The following GLT8D2 variants were observed in gnomAD, a reference collection of about 807,000 sequenced individuals.
GLT8D2 encodes glycosyltransferase 8 domain containing 2, also known as glycosyltransferase 8 domain-containing protein 2.
In GLT8D2, 45 loss-of-function variants were observed where a neutral mutation model predicts 44.5. The observed-to-expected ratio is 1.01, with a 90% CI of 0.80 to 1.30. The LOEUF is 1.30. Among genes scored for constraint, GLT8D2 ranks in the 50% most tolerant of loss-of-function variants. The pLI is 0.00. For missense variants in GLT8D2, 400 were observed against 430.4 expected, an observed-to-expected ratio of 0.93 and a Z score of 0.62; for synonymous variants, 156 against 157.2, an observed-to-expected ratio of 0.99 and a Z score of 0.06.
chr12:104,045,892 T>A (rs753640690), intron 1 of GLT8D2, among the ~76,000 whole-genome samples: 125 of 112,058 alleles, frequency 1.1e-3, no homozygotes, highest in South Asian at 2.4e-3. Context: ...AAAAGAAAGA[T>A]AAGAAAGAAA....
chr12:104,039,634 A>G (rs996183438), intron 1 of GLT8D2, among the ~76,000 whole-genome samples: 1 of 152,256 alleles, frequency 6.6e-6, no homozygotes, highest in African/African-American at 2.4e-5. Flanking sequence ...ATCATTAAAA[A>G]GTCAGGAAAC....
rs552065953 is a variant in GLT8D2, at chr12:103,996,659, T to G, written c.600+76A>C. ...GTTTTTGAGGTGGAGGTTACACTCA[T>G]TTTGACTTGCAGAGGGGGGAGAAGG... On this transcript the variant is annotated intron_variant, in intron 8 of 10. Coordinates refer to ENST00000360814, the MANE Select transcript of GLT8D2 (RefSeq NM_001384711.1). The G allele has an allele frequency of 1.0e-3, 1,060 of 1,042,164 alleles. 5 individuals are homozygous for G. Among genetic ancestry groups the G allele is most frequent in the Non-Finnish European group, 1.4e-3 (941 of 683,796 alleles). 64.6% of individuals were successfully genotyped at this position (1,042,164 alleles called of 1,614,324 possible).
rs200518430 is a variant in GLT8D2 at position 103,994,470 on chromosome 12, T to A, written c.632A>T (p.Lys211Met). The change falls in exon 9 of 11, where the codon AAG (lysine) becomes ATG (methionine). Residue 211 changes from lysine to methionine, a missense_variant. By Grantham distance (95) the Lys-to-Met change is moderately conservative. Coordinates refer to ENST00000360814, the MANE Select transcript of GLT8D2 (RefSeq NM_001384711.1). ...GATGCCAAGGTCCTTGATGGCCTTC[T>A]TCCGGTAGTCCAGATAGCCCATATA... ...NTYMGYLDYR[K>M]KAIKDLGISP... 2.5e-6 allele frequency: 4 copies of A among 1,614,076 alleles called. No individual in the cohort carries two copies. The highest frequency in any genetic ancestry group is 3.4e-6 in the Non-Finnish European group (4 of 1,179,964).
In GLT8D2 at chr12:104,045,382, G is replaced by A. The variant is rs546074639; in HGVS notation, c.-164+4513C>T. On this transcript the variant is annotated intron_variant, in intron 1 of 10. Coordinates refer to ENST00000360814, the MANE Select transcript of GLT8D2 (RefSeq NM_001384711.1). The stretch of plus-strand genomic sequence containing the variant: ...TTTCTCTGTGGTAATAAATAGCCAA[G>A]CCTTTAACAAGAAATTGCCTGCAGG... Among the ~76,000 whole-genome samples the A allele has an allele frequency of 1.2e-4, 19 of 152,282 alleles. No homozygotes were observed. The South Asian group carries it at 3.9e-3, about 32-fold the overall frequency.
intron 4 of GLT8D2, among the ~76,000 whole-genome samples, chr12:104,011,333 T>C (rs996498568): frequency 6.6e-6 from 1 of 152,206 alleles, no homozygotes; most frequent in Non-Finnish European, 1.5e-5. Context: ...ATAGTAAACA[T>C]CACAATGCTG....
At chr12:104,006,209 A>T (rs1874988129) in intron 4 of GLT8D2, among the ~76,000 whole-genome samples, 1 of 137,800 alleles carries the variant, frequency 7.3e-6, no homozygotes, top group Admixed American at 7.4e-5. Context: ...CAGGAAGGGG[A>T]ACATCACATA....
chr12:104,037,576 C>A (rs750142918), intron 1 of GLT8D2, among the ~76,000 whole-genome samples: 10 of 151,948 alleles, frequency 6.6e-5, no homozygotes, highest in Admixed American at 1.3e-4. Context: ...ATGCATACAC[C>A]CTCCCAAGAC....
At chr12:103,990,721 AGTT>A (rs1872650255) in intron 10 of GLT8D2, among the ~76,000 whole-genome samples, 1 of 152,202 alleles carries the variant, frequency 6.6e-6, no homozygotes, top group South Asian at 2.1e-4. Context: ...AAGAGAAACT[AGTT>A]GTTTGAAACT....
At chr12:104,060,013 C>T (rs935754782) in intron 1 of GLT8D2, among the ~76,000 whole-genome samples, 1 of 152,206 alleles carries the variant, frequency 6.6e-6, no homozygotes, top group Admixed American at 6.5e-5. Flanking sequence ...TTCCCTCCCA[C>T]TCCATTGAAA....
intron 3 of GLT8D2, among the ~76,000 whole-genome samples, chr12:104,016,854 G>GAAAGAAAGAA (rs1876891183): frequency 6.7e-6 from 1 of 149,730 alleles, no homozygotes; most frequent in Admixed American, 6.7e-5. Context: ...AAGAAAGAAA[G>GAAAGAAAGAA]AAAGAAAGAA....
chr12:104,028,862 C>T (rs1477859786), intron 1 of GLT8D2, among the ~76,000 whole-genome samples: 1 of 151,912 alleles, frequency 6.6e-6, no homozygotes, highest in Non-Finnish European at 1.5e-5. Context: ...TGGATAACGT[C>T]ATGGTCAAAT....
At chr12:104,054,080 C>A (rs1054165318), upstream of GLT8D2, among the ~76,000 whole-genome samples, 1 of 151,782 alleles carries the variant, frequency 6.6e-6, no homozygotes, top group South Asian at 2.1e-4. Context: ...ATTAACACAT[C>A]CAACACCACC....
chr12:103,994,632 T>G, intron 8 of GLT8D2, 131 bp from the exon 9 acceptor site: 1 of 744,714 alleles, frequency 1.3e-6, no homozygotes, highest in Non-Finnish European at 2.1e-6. Flanking sequence ...GGTAGTTTGT[T>G]GTTTTTGTTT....
At chr12:103,990,392 C>T (rs1277909739) in intron 10 of GLT8D2, among the ~76,000 whole-genome samples, 1 of 152,064 alleles carries the variant, frequency 6.6e-6, no homozygotes, top group Non-Finnish European at 1.5e-5. Flanking sequence ...TCCACCTGAA[C>T]ATTACTCCCC....
upstream of GLT8D2, among the ~76,000 whole-genome samples, chr12:104,052,034 A>G (rs1443767863): frequency 6.6e-6 from 1 of 152,258 alleles, no homozygotes; most frequent in Non-Finnish European, 1.5e-5. Flanking sequence ...GAACAAAAGT[A>G]AATTCACGAG....
intron 1 of GLT8D2, among the ~76,000 whole-genome samples, chr12:104,048,400 G>A (rs1881394468): frequency 6.6e-6 from 1 of 152,190 alleles, no homozygotes; most frequent in Admixed American, 6.5e-5. Flanking sequence ...CTCTAAGAGG[G>A]TAATATAGTT....
At chr12:104,058,975 G>C (rs1267174972) in intron 1 of GLT8D2, among the ~76,000 whole-genome samples, 1 of 152,212 alleles carries the variant, frequency 6.6e-6, no homozygotes, top group Non-Finnish European at 1.5e-5. Flanking sequence ...CATACAGTGT[G>C]GAAACACTGG....
At chr12:104,022,023 A>AAGAAGAAGAAGAAG (rs1566202777) in intron 1 of GLT8D2, among the ~76,000 whole-genome samples, 4 of 27,346 alleles carry the variant, frequency 1.5e-4, no homozygotes, top group African/African-American at 3.8e-4. Flanking sequence ...AGAAGAAGAA[A>AAGAAGAAGAAGAAG]AAGAAGAAGA....
intron 6 of GLT8D2, 45 bp downstream of exon 6, chr12:103,999,352 G>T (rs751531090): frequency 6.7e-6 from 7 of 1,051,386 alleles, no homozygotes; most frequent in African/African-American, 3.1e-5. Flanking sequence ...CTGAACAAAG[G>T]TCTCACCAAG....
Sources: allele counts gnomAD v4.1 joint callset (sites outside exome capture counted in the v4.1 genomes callset), GRCh38; gene constraint gnomAD v4.1.1; transcripts MANE v1.5; gene names NCBI Gene and HGNC (gene_info 2026-07-23, HGNC 2026-07-21).